Variants in EPG5 observed in about 807,000 individuals in gnomAD.
The protein encoded by EPG5 is ectopic P granules protein 5 homolog.
A neutral mutation model predicts 302.7 loss-of-function variants in EPG5; 159 were observed. That is an observed-to-expected ratio of 0.53 (90% confidence interval 0.46 to 0.60). EPG5 has a LOEUF of 0.60. Among genes scored for constraint, EPG5 ranks in the 20% least tolerant of loss-of-function variants. The probability of loss-of-function intolerance (pLI) is 0.00; values close to 1 mark genes in which losing one functional copy is unlikely to be tolerated. For synonymous variants in EPG5, 1,158 were observed against 1,136.8 expected (o/e 1.02, Z -0.37); for missense variants, 2,896 against 3,092.4 (o/e 0.94, Z 1.51).
At chr18:45,959,132 C>G (rs2051092208) in intron 1 of EPG5, among the ~76,000 whole-genome samples, 1 of 152,336 alleles carries the variant, frequency 6.6e-6, no homozygotes, top group South Asian at 2.1e-4. Flanking sequence ...GTTCCCCTGT[C>G]TCGATGAATC....
In EPG5 at chr18:45,847,836, T is replaced by C. The variant is rs1031215025; in HGVS notation, c.*4631A>G. The C allele has an allele frequency of 1.3e-5, 2 of 152,468 alleles. No homozygotes were observed. The highest frequency in any genetic ancestry group is 4.8e-5 in the African/African-American group (2 of 41,370). The allele number at this position is 152,468 out of a possible 1,614,324, so 9.4% of individuals were successfully genotyped here. Reference sequence around the variant, plus strand: ...AACGAGTTGAACACACTTAAGTATGTGTCTCCACATAAGTGATTTTAAACT... The same window carrying C: ...AACGAGTTGAACACACTTAAGTATGCGTCTCCACATAAGTGATTTTAAACT... On this transcript the variant is annotated 3_prime_UTR_variant, in exon 44 of 44. Coordinates refer to ENST00000282041, the MANE Select transcript of EPG5 (RefSeq NM_020964.3).
intron 15 of EPG5, among the ~76,000 whole-genome samples, chr18:45,922,866 G>A (rs1004934350): frequency 3.3e-5 from 5 of 152,208 alleles, no homozygotes; most frequent in Non-Finnish European, 5.9e-5. Context: ...ATAGTGTGCC[G>A]ATAAATAAGT....
At chr18:45,880,388 A>G (rs907728887) in intron 31 of EPG5, among the ~76,000 whole-genome samples, 165 bp from the exon 32 acceptor site, 1 of 152,228 alleles carries the variant, frequency 6.6e-6, no homozygotes, top group African/African-American at 2.4e-5. Context: ...AAGAGAACCT[A>G]AGAGAAGAAC....
intron 35 of EPG5, among the ~76,000 whole-genome samples, chr18:45,873,736 A>C (rs542509418): frequency 1.3e-5 from 2 of 152,308 alleles, no homozygotes; most frequent in African/African-American, 4.8e-5. Context: ...TGTAGGGAGC[A>C]AAAAGAAGCA....
chr18:45,883,621 T>G (rs72918322), intron 30 of EPG5, among the ~76,000 whole-genome samples: 3,082 of 31,566 alleles, frequency 0.098, 78 homozygotes, highest in African/African-American at 0.12. Flanking sequence ...GGTGTTTTTT[T>G]TTTTTTTTTT....
intron 35 of EPG5, among the ~76,000 whole-genome samples, chr18:45,871,006 T>C (rs1306805897): frequency 1.3e-5 from 2 of 152,320 alleles, no homozygotes; most frequent in South Asian, 4.1e-4. Flanking sequence ...TCTAAACGTA[T>C]GGCTTTTTAA....
chr18:45,801,321 C>T, the EPG5 span, among the ~76,000 whole-genome samples: 2 of 152,178 alleles, frequency 1.3e-5, no homozygotes, highest in East Asian at 3.8e-4. Context: ...CAGGCGTGAG[C>T]CACCACATCC....
chr18:45,866,281 C>T (rs1276520925), intron 38 of EPG5, among the ~76,000 whole-genome samples: 3 of 151,898 alleles, frequency 2.0e-5, no homozygotes, highest in East Asian at 1.9e-4. Flanking sequence ...CACCATTCCC[C>T]GGCTAATTTT....
At chr18:45,826,710 T>A in the EPG5 span, among the ~76,000 whole-genome samples, 2 of 152,164 alleles carry the variant, frequency 1.3e-5, no homozygotes, top group Non-Finnish European at 2.9e-5. Context: ...ACATTCCCTG[T>A]ATGGGGTCCT....
downstream of EPG5, among the ~76,000 whole-genome samples, chr18:45,846,692 G>A (rs1006736124): frequency 2.0e-5 from 3 of 152,158 alleles, no homozygotes; most frequent in African/African-American, 7.2e-5. Context: ...TGGACCTCGA[G>A]CAAGAAAGAA....
rs2145443507 is a variant in EPG5, at chr18:45,884,680, A to G, written c.5241T>C (p.Tyr1747=). The G allele has an allele frequency of 1.2e-6, 2 of 1,611,492 alleles. No individual in the cohort carries two copies. Among genetic ancestry groups the G allele is most frequent in the South Asian group, 1.1e-5 (1 of 90,578 alleles). ...NAAPAEFIQL[Y]EQVVKFLSED... Reference sequence around the variant, plus strand: ...CACTTAGAAACTTCACCACTTGCTCATACAGCTGTATGAACTCTGCAGGTG... The same window carrying G: ...CACTTAGAAACTTCACCACTTGCTCGTACAGCTGTATGAACTCTGCAGGTG... The change falls in exon 30 of 44, where the codon TAT becomes TAC. Residue 1747 remains tyrosine, a synonymous_variant. Transcript: ENST00000282041.
chr18:45,837,729 T>C, the EPG5 span: 2 of 1,505,244 alleles, frequency 1.3e-6, no homozygotes, highest in Non-Finnish European at 1.8e-6. Flanking sequence ...GCGCTGAGCC[T>C]GCACGGCCGC....
At chr18:45,937,619 C>A (rs983819892) in intron 10 of EPG5, among the ~76,000 whole-genome samples, 14 of 151,800 alleles carry the variant, frequency 9.2e-5, no homozygotes, top group Non-Finnish European at 1.8e-4. Context: ...GTTGGCCAGG[C>A]TGGTCTTGAA....
the EPG5 span, among the ~76,000 whole-genome samples, chr18:45,831,837 A>C: frequency 6.6e-6 from 1 of 151,494 alleles, no homozygotes; most frequent in Non-Finnish European, 1.5e-5. Context: ...TCCCGGGTTC[A>C]AGCGGTTCTC....
At chr18:45,959,939 A>G (rs1281662073) in intron 1 of EPG5, among the ~76,000 whole-genome samples, 1 of 152,202 alleles carries the variant, frequency 6.6e-6, no homozygotes, top group Non-Finnish European at 1.5e-5. Context: ...AGATTGTGCC[A>G]CTGCACTCTA....
At chr18:45,875,836 C>T (rs1290691083) in intron 35 of EPG5, among the ~76,000 whole-genome samples, 1 of 152,090 alleles carries the variant, frequency 6.6e-6, no homozygotes, top group Non-Finnish European at 1.5e-5. Flanking sequence ...GGGCAGATAG[C>T]CTGAGCTCAG....
At chr18:45,939,410 G>A (rs2050611584) in intron 10 of EPG5, among the ~76,000 whole-genome samples, 190 bp downstream of exon 10, 1 of 152,040 alleles carries the variant, frequency 6.6e-6, no homozygotes, top group Non-Finnish European at 1.5e-5. Context: ...GAGAGAGAGA[G>A]AGACCATTTC....
At chr18:45,948,388 G>A in intron 6 of EPG5, 115 bp downstream of exon 6, 1 of 813,824 alleles carries the variant, frequency 1.2e-6, no homozygotes, top group Admixed American at 2.3e-5. Flanking sequence ...TTAAATTCTA[G>A]AATGCCAACA....
chr18:45,939,159 C>A (rs1054819603), intron 10 of EPG5, among the ~76,000 whole-genome samples: 1 of 152,200 alleles, frequency 6.6e-6, no homozygotes, highest in Non-Finnish European at 1.5e-5. Flanking sequence ...GACAGGGAAC[C>A]AAGATCCATG....
Sources: allele counts gnomAD v4.1 joint callset (sites outside exome capture counted in the v4.1 genomes callset), GRCh38; gene constraint gnomAD v4.1.1; transcripts MANE v1.5; gene names NCBI Gene and HGNC (gene_info 2026-07-23, HGNC 2026-07-21).